The following TRERF1 variants were observed in gnomAD, a reference collection of about 807,000 sequenced individuals.
TRERF1 encodes transcriptional-regulating factor 1.
TRERF1 carries 27 observed loss-of-function variants against 122.9 expected under a neutral mutation model. The ratio of observed to expected loss-of-function variants is 0.22; its 90% CI spans 0.16 to 0.30. TRERF1 has a LOEUF of 0.30. TRERF1 is among the 10% of genes least tolerant of loss of function. TRERF1 has a pLI of 1.00. For synonymous variants in TRERF1, 636 were observed against 641.7 expected, an observed-to-expected ratio of 0.99 and a Z score of 0.13; for missense variants, 1,248 against 1,560.3, an observed-to-expected ratio of 0.80 and a Z score of 3.37.
intron 2 of TRERF1, among the ~76,000 whole-genome samples, chr6:42,413,163 T>C (rs1171762242): frequency 6.6e-6 from 1 of 152,196 alleles, no homozygotes; most frequent in African/African-American, 2.4e-5. Context: ...TCAGGGCATC[T>C]CATCTTCACC....
At chr6:42,315,151 C>T (rs1337167057) in intron 3 of TRERF1, among the ~76,000 whole-genome samples, 2 of 152,084 alleles carry the variant, frequency 1.3e-5, no homozygotes, top group East Asian at 1.9e-4. Context: ...GTGGTCTCCA[C>T]CTGGAGTGAT....
At chr6:42,364,815 G>A (rs1163035105) in intron 2 of TRERF1, among the ~76,000 whole-genome samples, 1 of 152,198 alleles carries the variant, frequency 6.6e-6, no homozygotes, top group African/African-American at 2.4e-5. Context: ...CATCTGTAAG[G>A]GGAGGAGAAA....
At chr6:42,350,619 T>A (rs1432353478) in intron 3 of TRERF1, among the ~76,000 whole-genome samples, 5 of 152,170 alleles carry the variant, frequency 3.3e-5, no homozygotes, top group Admixed American at 1.3e-4. Flanking sequence ...ATGACGAGTT[T>A]AAACCCCCTC....
At chr6:42,391,720 C>T (rs1379004373) in intron 2 of TRERF1, among the ~76,000 whole-genome samples, 1 of 152,168 alleles carries the variant, frequency 6.6e-6, no homozygotes, top group African/African-American at 2.4e-5. Context: ...CCTTCACCCT[C>T]AGCCTTCCCG....
At chr6:42,414,290 T>C (rs967179668) in intron 2 of TRERF1, among the ~76,000 whole-genome samples, 6 of 152,180 alleles carry the variant, frequency 3.9e-5, no homozygotes, top group African/African-American at 1.4e-4. Context: ...ACACTTTTTT[T>C]TAATGCGCCA....
downstream of TRERF1, chr6:42,224,940 A>C (rs1185713791): frequency 6.6e-6 from 1 of 152,256 alleles, no homozygotes; most frequent in Admixed American, 6.5e-5. Context: ...GAAACGCAAA[A>C]GATTAATATT....
At chr6:42,327,983 T>C (rs2150535200) in intron 3 of TRERF1, among the ~76,000 whole-genome samples, 1 of 148,326 alleles carries the variant, frequency 6.7e-6, no homozygotes, top group East Asian at 2.1e-4. Context: ...TTACTATCCC[T>C]AATTTTCTTT....
exon 18 of TRERF1, chr6:42,225,237 T>C (rs1358063201): frequency 6.7e-6 from 1 of 150,178 alleles, no homozygotes; most frequent in Non-Finnish European, 1.5e-5. Flanking sequence ...GGAATGCACC[T>C]TTTTAGGACA....
At position 42,269,334 on chromosome 6, in the gene TRERF1, C is replaced by T. The variant is rs774428460; in HGVS notation, c.257G>A (p.Gly86Glu). Reference sequence around the variant, plus strand: ...ATGGTTTCCAGGCCCTGCATGACTTCCCCACCCTCCCTGCCTCGAGGTATC... The same window carrying T: ...ATGGTTTCCAGGCCCTGCATGACTTTCCCACCCTCCCTGCCTCGAGGTATC... The change falls in exon 5 of 18, where the codon GGA becomes GAA. Residue 86 changes from glycine to glutamate, a missense_variant. Physicochemically the swap from Gly to Glu is moderately conservative, Grantham distance 98 (BLOSUM62 -2). Transcript: ENST00000372922. This position sits in a 1 kb window ranked among gnomAD's most constrained non-coding sequence, Gnocchi z 4.9. 23 of 1,614,032 alleles carry T rather than the reference C, an allele frequency of 1.4e-5. No homozygotes were observed. The highest frequency in any genetic ancestry group is 1.9e-5 in the Non-Finnish European group (22 of 1,180,040).
At chr6:42,359,036 TCTC>T (rs1361182560) in intron 3 of TRERF1, among the ~76,000 whole-genome samples, 1 of 152,160 alleles carries the variant, frequency 6.6e-6, no homozygotes, top group Non-Finnish European at 1.5e-5. Flanking sequence ...GGAACACTGT[TCTC>T]CTGCTGCACC....
chr6:42,233,779 C>T (rs537877505), intron 16 of TRERF1, among the ~76,000 whole-genome samples: 27 of 152,280 alleles, frequency 1.8e-4, no homozygotes, highest in African/African-American at 6.3e-4. Context: ...TCAGCTCTAT[C>T]TACCCCGAGG....
At chr6:42,233,436 C>G (rs1358938932) in intron 16 of TRERF1, among the ~76,000 whole-genome samples, 1 of 152,054 alleles carries the variant, frequency 6.6e-6, no homozygotes. Context: ...CAGGCGCCCG[C>G]CACCACGCCT....
At position 42,373,438 on chromosome 6, in the gene TRERF1, C is replaced by T. The variant is rs144423616; in HGVS notation, c.-453-10359G>A. On this transcript the variant is annotated intron_variant, in intron 2 of 17. Transcript: ENST00000372922. ...ATCCCAGCACTTTGGGAGGCCAAGG[C>T]GGGTGGATCATGGGGTCAGGAGATC... Among the ~76,000 whole-genome samples the T allele has an allele frequency of 5.3e-5, 8 of 151,934 alleles. No individual in the cohort carries two copies. In the East Asian group the frequency reaches 1.2e-3, roughly 22 times the overall value.
At chr6:42,353,849 T>C (rs1769975634) in intron 3 of TRERF1, among the ~76,000 whole-genome samples, 1 of 152,218 alleles carries the variant, frequency 6.6e-6, no homozygotes, top group Non-Finnish European at 1.5e-5. Flanking sequence ...CATATAAACA[T>C]AGTTATAAAT....
At chr6:42,438,874 T>C (rs547155150) in intron 2 of TRERF1, among the ~76,000 whole-genome samples, 36 of 152,152 alleles carry the variant, frequency 2.4e-4, no homozygotes, top group African/African-American at 8.4e-4. Context: ...GGACACAGCA[T>C]ACGGCCTGCC....
Position 42,256,947 on chromosome 6 carries a change from T to TC in TRERF1, c.2476+15dup. On this transcript the variant is annotated intron_variant, in intron 11 of 17. Transcript: ENST00000372922. ...AATCAAACCTCTCCCACCCAGCTCT[T>TC]CCCATATGCCAATACCTCTTTGCTG... 6.2e-7 allele frequency: 1 copy of TC among 1,614,092 alleles called. No individual in the cohort carries two copies. Among genetic ancestry groups the TC allele is most frequent in the Non-Finnish European group, 8.5e-7 (1 of 1,179,948 alleles).
intron 4 of TRERF1, among the ~76,000 whole-genome samples, chr6:42,278,110 G>A (rs1039480261): frequency 6.6e-6 from 1 of 152,158 alleles, no homozygotes. Context: ...TTTTTCTAGA[G>A]AGAGAGGCTG....
At chr6:42,347,955 T>C (rs1004458879) in intron 3 of TRERF1, among the ~76,000 whole-genome samples, 1 of 152,176 alleles carries the variant, frequency 6.6e-6, no homozygotes, top group Non-Finnish European at 1.5e-5. Flanking sequence ...TTCTCAAAAA[T>C]CAAAGGTGAA....
At chr6:42,422,184 GAAAGA>G (rs1360758144) in intron 2 of TRERF1, among the ~76,000 whole-genome samples, 2 of 150,892 alleles carry the variant, frequency 1.3e-5, no homozygotes, top group African/African-American at 2.4e-5. Flanking sequence ...TAAAAAAAAA[GAAAGA>G]AAAGAAAAGA....
Sources: gnomAD v4.1 joint callset for allele counts (sites outside exome capture counted in the v4.1 genomes callset) on GRCh38, gnomAD v4.1.1 for gene constraint, Gnocchi (gnomAD v3.1) non-coding constraint, MANE v1.5 for transcripts, NCBI Gene and HGNC (gene_info 2026-07-23, HGNC 2026-07-21) for gene names.